Variants in STARD4 observed in about 807,000 individuals in gnomAD.
STARD4 encodes stAR-related lipid transfer protein 4.
A neutral mutation model predicts 24.9 loss-of-function variants in STARD4; 33 were observed. That is an observed-to-expected ratio of 1.32 (90% CI 1.00 to 1.77). The LOEUF is 1.77. Among genes scored for constraint, STARD4 ranks in the 40% most tolerant of loss-of-function variants. The pLI is 0.00. For synonymous variants in STARD4, 88 were observed against 77.4 expected (o/e 1.14, Z -0.72); for missense variants, 238 against 249.3 (o/e 0.95, Z 0.31).
intron 1 of STARD4, among the ~76,000 whole-genome samples, chr5:111,511,296 AAAAC>A (rs1757254893): frequency 6.6e-6 from 1 of 152,234 alleles, no homozygotes; most frequent in Non-Finnish European, 1.5e-5. Context: ...GATTAAAAAA[AAAAC>A]CTAATGCTCT....
chr5:111,501,120 A>G lies in STARD4; in HGVS notation c.283-4T>C. 1.3e-6 allele frequency: 2 copies of G among 1,586,968 alleles called. No homozygotes were observed. The highest frequency in any genetic ancestry group is 1.7e-6 in the Non-Finnish European group (2 of 1,171,538). On this transcript the variant is annotated splice_polypyrimidine_tract_variant and splice_region_variant and intron_variant, in intron 4 of 5. Transcript: ENST00000296632. The stretch of plus-strand genomic sequence containing the variant: ...TGTAACGCATCACACAGCAATTCTG[A>G]AAAAGAAGAGATAAGACAAGTGTTA...
intron 1 of STARD4, chr5:111,512,096 T>A (rs1202007889): frequency 6.6e-6 from 1 of 152,340 alleles, no homozygotes; most frequent in African/African-American, 2.4e-5. Context: ...TGAGGTCTAA[T>A]GGATTCCAAG....
intron 3 of STARD4, among the ~76,000 whole-genome samples, chr5:111,505,920 G>A (rs111327451): frequency 6.6e-6 from 1 of 151,782 alleles, no homozygotes; most frequent in African/African-American, 2.4e-5. Flanking sequence ...AAAAAAAATC[G>A]CCAGGTGTGG....
chr5:111,502,004 GTCCCAA>G lies in STARD4; in HGVS notation c.234_239del (p.Trp79_Asp80del). ...GAATATCCAAAGAAGTCATCAAGCT[GTCCCAA>G]TCCAAACGACAAGGCCCTGGGCGTA... On this transcript the variant is annotated inframe_deletion, in exon 4 of 6. Coordinates refer to ENST00000296632, the MANE Select transcript of STARD4 (RefSeq NM_139164.3). 1 of 1,614,116 alleles carries G rather than the reference GTCCCAA, an allele frequency of 6.2e-7. No individual in the cohort carries two copies. The highest frequency in any genetic ancestry group is 8.5e-7 in the Non-Finnish European group (1 of 1,180,018).
At position 111,507,796 on chromosome 5, in the gene STARD4, A is replaced by G. The variant is rs1489961161; in HGVS notation, c.-9-354T>C. Among the ~76,000 whole-genome samples the G allele has an allele frequency of 6.6e-6, 1 of 152,158 alleles. No homozygotes were observed. The highest frequency in any genetic ancestry group is 6.5e-5 in the Admixed American group (1 of 15,278). On this transcript the variant is annotated intron_variant, in intron 1 of 5. Transcript: ENST00000296632. The surrounding 1 kb of genome is among the most constrained non-coding windows in gnomAD (Gnocchi z 4.4). ...TTTACCTCCAGTCCTCTTTGTTTCA[A>G]TGAGCTCAAAAATCCCAGATCCAGA...
At chr5:111,511,511 T>C (rs1032146666) in intron 1 of STARD4, among the ~76,000 whole-genome samples, 32 of 152,364 alleles carry the variant, frequency 2.1e-4, no homozygotes, top group African/African-American at 7.5e-4. Flanking sequence ...ATACTTTAGA[T>C]ATCTTGAGGT....
chr5:111,505,005 C>G (rs1234663548), intron 3 of STARD4: 7 of 455,180 alleles, frequency 1.5e-5, no homozygotes, highest in South Asian at 1.1e-4. Flanking sequence ...CTCAACACAT[C>G]AGGTCCTACC....
rs1756179543 is a variant in STARD4, at chr5:111,497,789, A to G, written c.*2097T>C. On this transcript the variant is annotated 3_prime_UTR_variant, in exon 6 of 6. Coordinates refer to ENST00000296632, the MANE Select transcript of STARD4 (RefSeq NM_139164.3). The stretch of plus-strand genomic sequence containing the variant: ...CATTAAGCTTTTTTATCATTATAGT[A>G]TGAGATAACATATTTAATACATGAT... The G allele has an allele frequency of 6.6e-6, 1 of 152,044 alleles. No individual in the cohort carries two copies. The highest frequency in any genetic ancestry group is 1.5e-5 in the Non-Finnish European group (1 of 67,930). The allele number at this position is 152,044 out of a possible 1,614,324, so 9.4% of individuals were successfully genotyped here.
intron 5 of STARD4, chr5:111,500,468 TGGC>T (rs1437681040): frequency 2.9e-6 from 3 of 1,050,234 alleles, no homozygotes; most frequent in African/African-American, 1.7e-5. Context: ...AGTTTGGTAC[TGGC>T]TAGTTAAGAA....
At position 111,507,666 on chromosome 5, in the gene STARD4, A is replaced by AT. The variant is rs1756965895; in HGVS notation, c.-9-225dup. On this transcript the variant is annotated intron_variant, in intron 1 of 5. Coordinates refer to ENST00000296632, the MANE Select transcript of STARD4 (RefSeq NM_139164.3). This position sits in a 1 kb window ranked among gnomAD's most constrained non-coding sequence, Gnocchi z 4.4. ...ACCCATAGCCAGAGGTGAGAATTAC[A>AT]TATTTTTTACAATTAAAATCACTCA... Among the ~76,000 whole-genome samples, 1 of 152,196 alleles carries AT rather than the reference A, an allele frequency of 6.6e-6. No individual in the cohort carries two copies. Among genetic ancestry groups the AT allele is most frequent in the African/African-American group, 2.4e-5 (1 of 41,452 alleles).
rs1200108295 is a variant in STARD4 at position 111,496,175 on chromosome 5, TTAAAAA to T, written c.*3705_*3710del. On this transcript the variant is annotated 3_prime_UTR_variant, in exon 6 of 6. Coordinates refer to ENST00000296632, the MANE Select transcript of STARD4 (RefSeq NM_139164.3). ...TTCACAAAAGAATTATATAAACTTC[TTAAAAA>T]TAAAATCTATACTATAGCTTTTATT... 4 of 152,184 alleles carry T rather than the reference TTAAAAA, an allele frequency of 2.6e-5. No homozygotes were observed. Among genetic ancestry groups the T allele is most frequent in the Middle Eastern group, 6.8e-3 (2 of 294 alleles). 9.4% of individuals were successfully genotyped at this position (152,184 alleles called of 1,614,324 possible). A position where few individuals can be genotyped will look rare whatever the true frequency, so the allele number is the denominator to read the frequency against.
At chr5:111,508,064 C>T (rs974377629) in intron 1 of STARD4, among the ~76,000 whole-genome samples, 9 of 152,162 alleles carry the variant, frequency 5.9e-5, no homozygotes, top group Non-Finnish European at 1.2e-4. Context: ...TAGCTTATCG[C>T]TGACTTGTGG....
In STARD4 at chr5:111,499,257, C is replaced by G. The variant is rs1035475447; in HGVS notation, c.*629G>C. ...GGCACCCACAGAATTAGGGGACCCACAATACTCAATTCTAATCATTATAAA... is the reference window on the plus strand; with the variant it reads ...GGCACCCACAGAATTAGGGGACCCAGAATACTCAATTCTAATCATTATAAA... On this transcript the variant is annotated 3_prime_UTR_variant, in exon 6 of 6. Coordinates refer to ENST00000296632, the MANE Select transcript of STARD4 (RefSeq NM_139164.3). The G allele has an allele frequency of 6.6e-6, 1 of 152,184 alleles. No individual in the cohort carries two copies. The highest frequency in any genetic ancestry group is 1.9e-4 in the East Asian group (1 of 5,204). The allele number at this position is 152,184 out of a possible 1,614,324, so 9.4% of individuals were successfully genotyped here.
Position 111,500,062 on chromosome 5 carries a change from C to A in STARD4, c.442G>T (p.Gly148Ter). The A allele has an allele frequency of 1.9e-6, 3 of 1,613,836 alleles. No homozygotes were observed. Among genetic ancestry groups the A allele is most frequent in the Non-Finnish European group, 2.5e-6 (3 of 1,179,810 alleles). The part of the protein sequence containing the change: ...WDEKRPEFVR[G>*]YNHPCGWFCV... ...AACCAACCACAGGGATGGTTATATCCTCGAACAAATTCTGGTCTCTTTTCA... is the reference window on the plus strand; with the variant it reads ...AACCAACCACAGGGATGGTTATATCATCGAACAAATTCTGGTCTCTTTTCA... Residue 148 changes from glycine to a stop codon, truncating the protein, a stop_gained, in exon 6 of 6, where the codon GGA becomes TGA. Transcript: ENST00000296632. LOFTEE classifies it high-confidence loss of function.
chr5:111,500,137 A>T, intron 5 of STARD4, 31 bp from the exon 6 acceptor site: 1 of 1,547,118 alleles, frequency 6.5e-7, no homozygotes, highest in Non-Finnish European at 8.7e-7. Flanking sequence ...TAGCACTATT[A>T]ATAGCAATAA....
In STARD4 at chr5:111,496,556, T is replaced by A. The variant is rs1756106194; in HGVS notation, c.*3330A>T. ...GGTGGTACACTCTTGAGAAAAGAGT[T>A]AAAGCTTTTATTTGTATGAAAGGCA... is the stretch of plus-strand genomic sequence containing the variant. On this transcript the variant is annotated 3_prime_UTR_variant, in exon 6 of 6. Coordinates refer to ENST00000296632, the MANE Select transcript of STARD4 (RefSeq NM_139164.3). 1 of 152,150 alleles carries A rather than the reference T, an allele frequency of 6.6e-6. No individual in the cohort carries two copies. 9.4% of individuals were successfully genotyped at this position (152,150 alleles called of 1,614,324 possible).
intron 5 of STARD4, 85 bp downstream of exon 5, chr5:111,500,917 T>C: frequency 6.2e-7 from 1 of 1,608,452 alleles, no homozygotes; most frequent in Non-Finnish European, 8.5e-7. Flanking sequence ...TGAAAATATA[T>C]CTCACAAGGA....
At chr5:111,512,076 C>G (rs1278917006) in intron 1 of STARD4, 1 of 152,366 alleles carries the variant, frequency 6.6e-6, no homozygotes. Flanking sequence ...CATTTAACAG[C>G]TGAGGACACT....
intron 5 of STARD4, chr5:111,500,585 A>G: frequency 9.1e-7 from 1 of 1,098,574 alleles, no homozygotes; most frequent in Non-Finnish European, 1.1e-6. Context: ...GGAGCCTTCC[A>G]ATGGCAGTAT....
Sources: gnomAD v4.1 joint callset for allele counts (sites outside exome capture counted in the v4.1 genomes callset) on GRCh38, gnomAD v4.1.1 for gene constraint, Gnocchi (gnomAD v3.1) non-coding constraint, MANE v1.5 for transcripts, NCBI Gene and HGNC (gene_info 2026-07-23, HGNC 2026-07-21) for gene names.